Variants in PLAC8 observed in about 807,000 individuals in gnomAD.
PLAC8 encodes the protein placenta associated 8.
Under a neutral mutation model 12.6 loss-of-function variants are expected in PLAC8, and 6 were observed. That is an observed-to-expected ratio of 0.48 (90% CI 0.26 to 0.94). PLAC8 has a LOEUF of 0.94. PLAC8 is among the 40% of genes least tolerant of loss of function. The pLI, the probability that PLAC8 is intolerant of heterozygous loss-of-function variation, is 0.14. For missense variants in PLAC8, 122 were observed against 152.7 expected (o/e 0.80, Z 1.06); for synonymous variants, 54 against 52.6 (o/e 1.03, Z -0.11).
At chr4:83,107,206 C>CAA (rs70946971) in intron 2 of PLAC8, among the ~76,000 whole-genome samples, 6 of 100,210 alleles carry the variant, frequency 6.0e-5, no homozygotes, top group African/African-American at 2.5e-4. Context: ...GTCTCAAAAA[C>CAA]AAACAAAAAA....
chr4:83,106,578 A>T (rs1366744613), intron 2 of PLAC8, among the ~76,000 whole-genome samples: 1 of 152,088 alleles, frequency 6.6e-6, no homozygotes, highest in Non-Finnish European at 1.5e-5. Flanking sequence ...AGATTGCACC[A>T]CTACATTCTA....
chr4:83,102,093 T>C (rs1180202299), intron 3 of PLAC8, among the ~76,000 whole-genome samples: 1 of 152,208 alleles, frequency 6.6e-6, no homozygotes, highest in African/African-American at 2.4e-5. Context: ...AGGAGTAATT[T>C]TGATTTTCAA....
At chr4:83,098,230 G>A (rs1226681021) in intron 3 of PLAC8, among the ~76,000 whole-genome samples, 1 of 152,192 alleles carries the variant, frequency 6.6e-6, no homozygotes, top group African/African-American at 2.4e-5. Flanking sequence ...AGTGAAAAGG[G>A]TTTGTAAAGG....
rs1461743501 is a variant in PLAC8 at position 83,103,064 on chromosome 4, T to C, written c.243+1832A>G. 1.7e-4 allele frequency among the ~76,000 whole-genome samples: 18 copies of C among 107,542 alleles called. No homozygotes were observed. In the South Asian group the frequency reaches 4.8e-3, roughly 29 times the overall value. The allele number at this position is 107,542 out of a possible 152,430, so 70.6% of individuals were successfully genotyped here. A position where few individuals can be genotyped will look rare whatever the true frequency, so the allele number is the denominator to read the frequency against. On this transcript the variant is annotated intron_variant, in intron 3 of 4. Coordinates refer to ENST00000311507, the MANE Select transcript of PLAC8 (RefSeq NM_016619.3). ...TGGCGCCACTGCACTCCAGCCTGGG[T>C]GACAGAGCAAGACTCCCTTTAAAAA...
At chr4:83,102,500 C>T (rs1395465661) in intron 3 of PLAC8, among the ~76,000 whole-genome samples, 2 of 152,126 alleles carry the variant, frequency 1.3e-5, no homozygotes, top group Non-Finnish European at 2.9e-5. Flanking sequence ...GACGGCGCCA[C>T]TGCACTCCAG....
chr4:83,111,329 T>C (rs59248296), intron 1 of PLAC8, among the ~76,000 whole-genome samples: 10,786 of 151,986 alleles, frequency 0.071, 1,233 homozygotes, highest in African/African-American at 0.24. Flanking sequence ...AATATCCTTT[T>C]CAGAAACAAA....
Position 83,107,849 on chromosome 4 carries a change from T to C in PLAC8, c.73A>G (p.Asn25Asp). Residue 25 changes from asparagine to aspartate, a missense_variant, in exon 2 of 5, where the codon AAC becomes GAC. Asn to Asp is a conservative substitution (Grantham distance 23). Transcript: ENST00000311507. Reference protein sequence around the residue: ...VGPGPAPQNSNWQTGMCDCFS... With the variant: ...VGPGPAPQNSDWQTGMCDCFS... The stretch of plus-strand genomic sequence containing the variant: ...CAGTCACACATGCCTGTCTGCCAGT[T>C]GGAGTTCTGGGGGGCCGGACCGGGA... 6.2e-7 allele frequency: 1 copy of C among 1,609,148 alleles called. No homozygotes were observed. Among genetic ancestry groups the C allele is most frequent in the Non-Finnish European group, 8.5e-7 (1 of 1,177,178 alleles).
At chr4:83,093,295 G>A (rs1319734062) in intron 4 of PLAC8, 1 of 152,110 alleles carries the variant, frequency 6.6e-6, no homozygotes, top group African/African-American at 2.4e-5. Context: ...GTGAGGTCAG[G>A]GTACTTTTTC....
chr4:83,112,162 A>G (rs1732435716), intron 1 of PLAC8, among the ~76,000 whole-genome samples: 1 of 146,578 alleles, frequency 6.8e-6, no homozygotes, highest in Admixed American at 6.7e-5. Flanking sequence ...TGACAGAGCG[A>G]GACTCCGTCT....
chr4:83,110,172 T>C (rs915249554), intron 1 of PLAC8, among the ~76,000 whole-genome samples: 14 of 152,292 alleles, frequency 9.2e-5, no homozygotes, highest in African/African-American at 2.6e-4. Context: ...TTCTAAATTG[T>C]AAAAAGTTTT....
intron 1 of PLAC8, among the ~76,000 whole-genome samples, chr4:83,109,071 T>A (rs1039599991): frequency 6.6e-6 from 1 of 152,190 alleles, no homozygotes; most frequent in African/African-American, 2.4e-5. Flanking sequence ...TCATGGAACA[T>A]GAATTAGATT....
chr4:83,094,239 C>G (rs1490052030), intron 4 of PLAC8: 3 of 152,980 alleles, frequency 2.0e-5, no homozygotes, highest in African/African-American at 7.2e-5. Context: ...CCTCACCTTG[C>G]TATGATAGAT....
intron 3 of PLAC8, among the ~76,000 whole-genome samples, chr4:83,103,272 G>A (rs948602539): frequency 1.3e-5 from 2 of 151,586 alleles, no homozygotes; most frequent in African/African-American, 4.9e-5. Context: ...GCGGGTACCT[G>A]TAATCTCAGC....
chr4:83,098,636 A>G (rs538981471), intron 3 of PLAC8, among the ~76,000 whole-genome samples: 40 of 152,266 alleles, frequency 2.6e-4, no homozygotes, highest in Non-Finnish European at 4.4e-4. Flanking sequence ...AATGGCAGGG[A>G]AAAAAAGGAG....
At chr4:83,111,235 C>G (rs1732416752) in intron 1 of PLAC8, among the ~76,000 whole-genome samples, 1 of 152,198 alleles carries the variant, frequency 6.6e-6, no homozygotes, top group Non-Finnish European at 1.5e-5. Context: ...TCCCAAAACA[C>G]TGGAATTACA....
chr4:83,100,266 G>A (rs1219191890), intron 3 of PLAC8, among the ~76,000 whole-genome samples: 11 of 143,480 alleles, frequency 7.7e-5, no homozygotes, highest in Non-Finnish European at 1.3e-4. Flanking sequence ...GGGTGACAGA[G>A]CGAGACTCCA....
At chr4:83,093,309 T>C (rs1360183789) in intron 4 of PLAC8, 1 of 152,164 alleles carries the variant, frequency 6.6e-6, no homozygotes, top group Non-Finnish European at 1.5e-5. Context: ...CTTTTTCAGT[T>C]CTATGGGTTG....
rs150919259 is a variant in PLAC8 at position 83,108,534 on chromosome 4, C to A, written c.-29-584G>T. On this transcript the variant is annotated intron_variant, in intron 1 of 4. Coordinates refer to ENST00000311507, the MANE Select transcript of PLAC8 (RefSeq NM_016619.3). ...GCTTGAACCGGGAAGGTGGAGGTTGCATTAAGCCGAGGTCATACTTCTGCA... is the reference window on the plus strand; with the variant it reads ...GCTTGAACCGGGAAGGTGGAGGTTGAATTAAGCCGAGGTCATACTTCTGCA... 7.2e-4 allele frequency among the ~76,000 whole-genome samples: 109 copies of A among 152,314 alleles called. 1 individual carries two copies. Among genetic ancestry groups the A allele is most frequent in the African/African-American group, 2.6e-3 (107 of 41,582 alleles).
At chr4:83,112,846 T>C (rs1001506975) in intron 1 of PLAC8, among the ~76,000 whole-genome samples, 1 of 152,222 alleles carries the variant, frequency 6.6e-6, no homozygotes, top group Non-Finnish European at 1.5e-5. Flanking sequence ...ATGAAGTCTT[T>C]AGCCTTAGCC....
Sources: gnomAD v4.1 joint callset for allele counts (sites outside exome capture counted in the v4.1 genomes callset) on GRCh38, gnomAD v4.1.1 for gene constraint, MANE v1.5 for transcripts, NCBI Gene and HGNC (gene_info 2026-07-23, HGNC 2026-07-21) for gene names.